TRMT5: variants seen among roughly 807,000 people sequenced by gnomAD.
TRMT5 encodes the protein tRNA methyltransferase 5, also known as tRNA (guanine(37)-N(1))-methyltransferase.
A neutral mutation model predicts 42.2 loss-of-function variants in TRMT5; 31 were observed. That is an observed-to-expected ratio of 0.73 (90% confidence interval 0.55 to 0.99). The LOEUF (loss-of-function observed/expected upper bound fraction) is 0.99, where lower values mean the gene tolerates loss of function less well. Ranked by LOEUF, TRMT5 falls within the 50% of genes least tolerant of loss-of-function variation. The pLI is 0.00. For synonymous variants in TRMT5, 198 were observed against 209.6 expected (o/e 0.94, Z 0.48); for missense variants, 568 against 595.0 (o/e 0.95, Z 0.47).
Position 60,978,576 on chromosome 14 carries a change from T to G in TRMT5, c.667+655A>C, listed in dbSNP as rs539081333. ...TAAAATTACTACTGTATGAAAATGT[T>G]TCACTTTTAATGTATGAGTGCCTCT... On this transcript the variant is annotated intron_variant, in intron 2 of 4. Transcript: ENST00000261249. Among the ~76,000 whole-genome samples, 60 of 152,334 alleles carry G rather than the reference T, an allele frequency of 3.9e-4. No individual in the cohort carries two copies. The South Asian group carries it at 0.012, about 30-fold the overall frequency.
intron 3 of TRMT5, among the ~76,000 whole-genome samples, chr14:60,976,419 C>T (rs2036848480): frequency 6.6e-6 from 1 of 152,164 alleles, no homozygotes; most frequent in Admixed American, 6.5e-5. Context: ...AAGTAGTTAC[C>T]ATATCACATG....
rs1034283554 is a variant in TRMT5, at chr14:60,972,521, C to T, written c.*2588G>A. Reference sequence around the variant, plus strand: ...ACCGGGTGTGGGACGCAGCAGCGCGCGGGCTTTGGTCGGTCCAGGGGTCGT... The same window carrying T: ...ACCGGGTGTGGGACGCAGCAGCGCGTGGGCTTTGGTCGGTCCAGGGGTCGT... On this transcript the variant is annotated 3_prime_UTR_variant, in exon 5 of 5. Transcript: ENST00000261249. The T allele has an allele frequency of 1.6e-5, 7 of 449,024 alleles. No individual in the cohort carries two copies. The highest frequency in any genetic ancestry group is 6.1e-5 in the African/African-American group (3 of 49,308). 27.8% of individuals were successfully genotyped at this position (449,024 alleles called of 1,614,324 possible). A position where few individuals can be genotyped will look rare whatever the true frequency, so the allele number is the denominator to read the frequency against.
At chr14:60,976,208 C>T (rs1212073757) in intron 3 of TRMT5, 82 bp from the exon 4 acceptor site, 6 of 1,428,986 alleles carry the variant, frequency 4.2e-6, no homozygotes, top group African/African-American at 1.4e-5. Flanking sequence ...TGTGTATACA[C>T]ACAGGCAAAC....
chr14:60,981,004 T>C lies in TRMT5; in HGVS notation c.-31A>G, dbSNP rs200992559. 36 of 1,608,806 alleles carry C rather than the reference T, an allele frequency of 2.2e-5. No individual in the cohort carries two copies. The highest frequency in any genetic ancestry group is 3.0e-5 in the Non-Finnish European group (35 of 1,179,730). ...TTCCCCACGTCGCTCTGCAGCTGGA[T>C]CCGCGAGCCGACCCCTCACCTCCCG... On this transcript the variant is annotated 5_prime_UTR_variant, in exon 1 of 5. Transcript: ENST00000261249.
Position 60,972,678 on chromosome 14 carries a change from C to G in TRMT5, c.*2431G>C. The G allele has an allele frequency of 3.7e-6, 1 of 270,074 alleles. No individual in the cohort carries two copies. Among genetic ancestry groups the G allele is most frequent in the Non-Finnish European group, 7.2e-6 (1 of 138,200 alleles). 16.7% of individuals were successfully genotyped at this position (270,074 alleles called of 1,614,324 possible). A position where few individuals can be genotyped will look rare whatever the true frequency, so the allele number is the denominator to read the frequency against. On this transcript the variant is annotated 3_prime_UTR_variant, in exon 5 of 5. Coordinates refer to ENST00000261249, the MANE Select transcript of TRMT5 (RefSeq NM_020810.3). Reference sequence around the variant, plus strand: ...CTAATCAGGGTTCTAAGTAAGTGTTCCCTGTGATCAAAATCAGTTGTAAAT... The same window carrying G: ...CTAATCAGGGTTCTAAGTAAGTGTTGCCTGTGATCAAAATCAGTTGTAAAT...
rs770316501 is a variant in TRMT5 at position 60,979,689 on chromosome 14, G to GTC, written c.207_208dup (p.Thr70ArgfsTer14). 3.1e-6 allele frequency: 5 copies of GTC among 1,614,048 alleles called. No homozygotes were observed. The highest frequency in any genetic ancestry group is 2.2e-5 in the East Asian group (1 of 44,870). On this transcript the variant is annotated frameshift_variant, in exon 2 of 5. Coordinates refer to ENST00000261249, the MANE Select transcript of TRMT5 (RefSeq NM_020810.3). LOFTEE classifies it high-confidence loss of function. ...ATCAGAAGGTGGTGAAAACAATTCAGTCTCTCTCTCATGTGTTTCTGTTTC... is the reference window on the plus strand; with the variant it reads ...ATCAGAAGGTGGTGAAAACAATTCAGTCTCTCTCTCTCATGTGTTTCTGTTTC...
chr14:60,979,150 T>A, intron 2 of TRMT5, 81 bp downstream of exon 2: 1 of 1,281,244 alleles, frequency 7.8e-7, no homozygotes, highest in African/African-American at 1.5e-5. Flanking sequence ...AACTTGGCAT[T>A]AAAAAAAATA....
chr14:60,979,103 A>G (rs1009142584), intron 2 of TRMT5, 128 bp downstream of exon 2: 5 of 828,924 alleles, frequency 6.0e-6, no homozygotes, highest in Non-Finnish European at 9.2e-6. Flanking sequence ...CTCAAGATCT[A>G]GCTTAAAGTT....
rs1338336005 is a variant in TRMT5 at position 60,971,969 on chromosome 14, A to C, written c.*3140T>G. The C allele has an allele frequency of 1.9e-5, 5 of 260,378 alleles. No homozygotes were observed. Among genetic ancestry groups the C allele is most frequent in the African/African-American group, 4.6e-5 (2 of 43,564 alleles). 16.1% of individuals were successfully genotyped at this position (260,378 alleles called of 1,614,324 possible). Reference sequence around the variant, plus strand: ...ACAAGGCTTTTGTGCCAAGGTGGCCATGTGTGTCAAAGTCAGGAAATCCCT... The same window carrying C: ...ACAAGGCTTTTGTGCCAAGGTGGCCCTGTGTGTCAAAGTCAGGAAATCCCT... On this transcript the variant is annotated 3_prime_UTR_variant, in exon 5 of 5. Transcript: ENST00000261249.
Position 60,975,710 on chromosome 14 carries a change from T to C in TRMT5, c.1209A>G (p.Leu403=). 5 of 1,614,228 alleles carry C rather than the reference T, an allele frequency of 3.1e-6. No homozygotes were observed. The highest frequency in any genetic ancestry group is 4.2e-6 in the Non-Finnish European group (5 of 1,180,044). Residue 403 remains leucine, a synonymous_variant, in exon 4 of 5, where the codon TTA becomes TTG. Coordinates refer to ENST00000261249, the MANE Select transcript of TRMT5 (RefSeq NM_020810.3). The part of the protein sequence containing the change: ...IEFLSAFKWL[L]DGQPCSSEFL... The stretch of plus-strand genomic sequence containing the variant: ...ACTCACTGCTGCATGGCTGCCCATC[T>C]AAAAGCCACTTGAAAGCACTAAGAA...
rs780012826 is a variant in TRMT5, at chr14:60,980,850, G to A, written c.11+113C>T. Reference sequence around the variant, plus strand: ...TCGAAACTAAGCTCAGCACCTAGGCGGGTGGGTGACCTCGCGATGTTTCTG... The same window carrying A: ...TCGAAACTAAGCTCAGCACCTAGGCAGGTGGGTGACCTCGCGATGTTTCTG... On this transcript the variant is annotated intron_variant, in intron 1 of 4. Transcript: ENST00000261249. 5.3e-6 allele frequency: 8 copies of A among 1,505,416 alleles called. No individual in the cohort carries two copies. In the African/African-American group the frequency reaches 6.9e-5, roughly 13 times the overall value. The allele number at this position is 1,505,416 out of a possible 1,614,324, so 93.3% of individuals were successfully genotyped here.
rs372011452 is a variant in TRMT5, at chr14:60,976,031, G to A, written c.888C>T (p.Leu296=). The part of the protein sequence containing the change: ...STEHSRITEL[L]KPGDVLFDVF... ...CATCAAATAGGACATCCCCAGGTTTGAGAAGTTCTGTGATACGGCTGTGTT... is the reference window on the plus strand; with the variant it reads ...CATCAAATAGGACATCCCCAGGTTTAAGAAGTTCTGTGATACGGCTGTGTT... Residue 296 remains leucine (L), a synonymous_variant, in exon 4 of 5, where the codon CTC becomes CTT. Transcript: ENST00000261249. 1.9e-5 allele frequency: 31 copies of A among 1,614,240 alleles called. No homozygotes were observed. In the South Asian group the frequency reaches 3.4e-4, roughly 18 times the overall value.
At chr14:60,979,986 C>T (rs2036921878) in intron 1 of TRMT5, 100 bp from the exon 2 acceptor site, 1 of 1,300,856 alleles carries the variant, frequency 7.7e-7, no homozygotes, top group Non-Finnish European at 1.0e-6. Flanking sequence ...ACAAATAAAA[C>T]GTTTAGTGAT....
At chr14:60,981,480 G>T (rs1172571311), upstream of TRMT5, 1 of 1,538,920 alleles carries the variant, frequency 6.5e-7, no homozygotes, top group East Asian at 2.4e-5. Flanking sequence ...CACCGGGACA[G>T]GGGAGATGCT....
At chr14:60,980,812 ACTAT>A in intron 1 of TRMT5, 147 bp downstream of exon 1, 1 of 1,134,254 alleles carries the variant, frequency 8.8e-7, no homozygotes, top group South Asian at 1.3e-5. Flanking sequence ...AACATTCCTT[ACTAT>A]CCAGAACCTC....
intron 1 of TRMT5, among the ~76,000 whole-genome samples, chr14:60,980,326 A>T (rs1257570072): frequency 6.6e-6 from 1 of 152,222 alleles, no homozygotes; most frequent in Non-Finnish European, 1.5e-5. Flanking sequence ...TGCTTTATGT[A>T]CATTATGAAT....
In TRMT5 at chr14:60,974,829, C is replaced by A. The variant is rs767289489; in HGVS notation, c.*280G>T. 5.4e-6 allele frequency: 1 copy of A among 186,746 alleles called. No individual in the cohort carries two copies. Among genetic ancestry groups the A allele is most frequent in the Non-Finnish European group, 1.1e-5 (1 of 91,078 alleles). 11.6% of individuals were successfully genotyped at this position (186,746 alleles called of 1,614,324 possible). A position where few individuals can be genotyped will look rare whatever the true frequency, so the allele number is the denominator to read the frequency against. On this transcript the variant is annotated 3_prime_UTR_variant, in exon 5 of 5. Transcript: ENST00000261249. Reference sequence around the variant, plus strand: ...AGTTAGTACTCAATCACCCTACTTTCAAAAATTATTTTCCCTGAGAGAAAA... The same window carrying A: ...AGTTAGTACTCAATCACCCTACTTTAAAAAATTATTTTCCCTGAGAGAAAA...
chr14:60,980,228 G>A (rs1277302856), intron 1 of TRMT5, among the ~76,000 whole-genome samples: 1 of 152,178 alleles, frequency 6.6e-6, no homozygotes, highest in Non-Finnish European at 1.5e-5. Context: ...ATCTGTAAAT[G>A]AAATAGTCAT....
Position 60,975,931 on chromosome 14 carries a change from G to T in TRMT5, c.988C>A (p.Pro330Thr), listed in dbSNP as rs775352268. ...TACAACAGCCATTTATGAGATTCAG[G>T]ATTGAGATCATTGGCAAATACAGTG... ...NCTVFANDLN[P>T]ESHKWLLYNC... Residue 330 changes from proline (P) to threonine (T), a missense_variant, in exon 4 of 5, where the codon CCT becomes ACT. By Grantham distance (38) the Pro-to-Thr change is conservative. Coordinates refer to ENST00000261249, the MANE Select transcript of TRMT5 (RefSeq NM_020810.3). 50 of 1,614,028 alleles carry T rather than the reference G, an allele frequency of 3.1e-5. No homozygotes were observed. The highest frequency in any genetic ancestry group is 4.2e-5 in the Non-Finnish European group (49 of 1,180,040).
Sources: gnomAD v4.1 joint callset for allele counts (sites outside exome capture counted in the v4.1 genomes callset) on GRCh38, gnomAD v4.1.1 for gene constraint, MANE v1.5 for transcripts, NCBI Gene and HGNC (gene_info 2026-07-23, HGNC 2026-07-21) for gene names.